Variants in SF3A3 observed in about 807,000 individuals in gnomAD.
The protein encoded by SF3A3 is SAP 61.
In SF3A3, 9 loss-of-function variants were observed where a neutral mutation model predicts 85.8. The ratio of observed to expected loss-of-function variants is 0.10; its 90% CI spans 0.06 to 0.18. The LOEUF is 0.18. SF3A3 is among the 10% of genes least tolerant of loss of function. The pLI is 1.00. For synonymous variants in SF3A3, 195 were observed against 204.4 expected (o/e 0.95, Z 0.39); for missense variants, 306 against 593.3 (o/e 0.52, Z 5.03).
chr1:37,984,075 G>T, intron 6 of SF3A3, 94 bp downstream of exon 6: 1 of 604,350 alleles, frequency 1.7e-6, no homozygotes, highest in Non-Finnish European at 3.0e-6. Flanking sequence ...ACACAAGGAA[G>T]ACACTTTACA....
chr1:37,975,523 A>T (rs1646373229), intron 12 of SF3A3, among the ~76,000 whole-genome samples: 1 of 151,596 alleles, frequency 6.6e-6, no homozygotes, highest in African/African-American at 2.4e-5. Flanking sequence ...TTCAAAAAAA[A>T]AAAAGAGGGA....
intron 15 of SF3A3, chr1:37,960,661 T>C (rs1646250370): frequency 6.5e-6 from 1 of 153,742 alleles, no homozygotes; most frequent in Admixed American, 6.4e-5. Context: ...ACTTGAATCT[T>C]TTTTTTTGAG....
chr1:37,974,419 C>T (rs1646365626), intron 12 of SF3A3, among the ~76,000 whole-genome samples: 1 of 151,422 alleles, frequency 6.6e-6, no homozygotes, highest in African/African-American at 2.4e-5. Context: ...TCTCCTGCCT[C>T]AGCCTCCCGA....
intron 16 of SF3A3, 71 bp from the exon 17 acceptor site, chr1:37,958,334 C>A (rs1646234362): frequency 1.9e-6 from 2 of 1,049,942 alleles, no homozygotes; most frequent in South Asian, 2.5e-5. Flanking sequence ...TCTCTAAGTA[C>A]CTGAGCTCAT....
chr1:37,979,729 T>A lies in SF3A3; in HGVS notation c.691-196A>T, dbSNP rs1646403523. Among the ~76,000 whole-genome samples, 3 of 152,136 alleles carry A rather than the reference T, an allele frequency of 2.0e-5. 1 individual carries two copies. The South Asian group carries it at 6.2e-4, about 32-fold the overall frequency. On this transcript the variant is annotated intron_variant, in intron 8 of 16. Coordinates refer to ENST00000373019, the MANE Select transcript of SF3A3 (RefSeq NM_006802.4). ...TGAATTAGCTGGGCATGATGGCATG[T>A]GCCTGTGGTCCCAGCTACTCAGGAG... is the stretch of plus-strand genomic sequence containing the variant.
At chr1:37,966,923 GA>G in intron 15 of SF3A3, among the ~76,000 whole-genome samples, 1 of 48,180 alleles carries the variant, frequency 2.1e-5, no homozygotes, top group East Asian at 9.0e-4. Flanking sequence ...CAATATGAGC[GA>G]AACTCCATCT....
rs1050103210 is a variant in SF3A3 at position 37,960,272 on chromosome 1, A to G, written c.1373-97T>C. The stretch of plus-strand genomic sequence containing the variant: ...TCTCCCTGCCATTAGGATGCTCCCT[A>G]GAAGACTCTGCCTTTGAGATTCTTG... On this transcript the variant is annotated intron_variant, in intron 15 of 16. Coordinates refer to ENST00000373019, the MANE Select transcript of SF3A3 (RefSeq NM_006802.4). The G allele has an allele frequency of 8.8e-6, 10 of 1,135,094 alleles. No homozygotes were observed. In the African/African-American group the frequency reaches 1.4e-4, roughly 15 times the overall value. The allele number at this position is 1,135,094 out of a possible 1,614,324, so 70.3% of individuals were successfully genotyped here. A position where few individuals can be genotyped will look rare whatever the true frequency, so the allele number is the denominator to read the frequency against.
chr1:37,986,729 A>G lies in SF3A3; in HGVS notation c.303+844T>C, dbSNP rs569803667. Among the ~76,000 whole-genome samples, 31 of 149,444 alleles carry G rather than the reference A, an allele frequency of 2.1e-4. 1 individual carries two copies. In the South Asian group the frequency reaches 6.0e-3, roughly 29 times the overall value. ...CAGGAGGCTGAGGAAGGAGAATGGC[A>G]TGAACTCGGGAGGTGGAGCTTGCAG... On this transcript the variant is annotated intron_variant, in intron 4 of 16. Transcript: ENST00000373019.
chr1:37,959,597 G>T (rs1044506682), intron 16 of SF3A3, among the ~76,000 whole-genome samples: 3 of 151,808 alleles, frequency 2.0e-5, no homozygotes, highest in African/African-American at 7.3e-5. Context: ...ATTATTTTTT[G>T]AGAAAGAGTC....
chr1:37,984,063 A>G, intron 6 of SF3A3, 106 bp downstream of exon 6: 1 of 562,950 alleles, frequency 1.8e-6, no homozygotes, highest in Non-Finnish European at 3.2e-6. Context: ...AAGAGTTTTA[A>G]AACACAAGGA....
At chr1:37,985,023 G>T (rs1225378871) in intron 4 of SF3A3, among the ~76,000 whole-genome samples, 2 of 152,172 alleles carry the variant, frequency 1.3e-5, no homozygotes, top group Non-Finnish European at 2.9e-5. Flanking sequence ...GCCCAGGCTG[G>T]TCTCAAACTC....
Position 37,963,630 on chromosome 1 carries a change from C to T in SF3A3, c.1373-3455G>A, listed in dbSNP as rs1570454087. Reference sequence around the variant, plus strand: ...GGAGTAAAGTGGCAGGATCTCGGCTCACTGCAAGCTCCGCCTCCTGGGTTC... The same window carrying T: ...GGAGTAAAGTGGCAGGATCTCGGCTTACTGCAAGCTCCGCCTCCTGGGTTC... On this transcript the variant is annotated intron_variant, in intron 15 of 16. Transcript: ENST00000373019. 2.7e-5 allele frequency among the ~76,000 whole-genome samples: 4 copies of T among 150,764 alleles called. No individual in the cohort carries two copies. In the East Asian group the frequency reaches 8.0e-4, roughly 30 times the overall value.
rs1324760983 is a variant in SF3A3 at position 37,978,969 on chromosome 1, T to C, written c.827+19A>G. The C allele has an allele frequency of 5.6e-6, 9 of 1,608,180 alleles. No individual in the cohort carries two copies. The highest frequency in any genetic ancestry group is 1.7e-5 in the Admixed American group (1 of 59,966). On this transcript the variant is annotated intron_variant, in intron 10 of 16. Transcript: ENST00000373019. ...ACACACAGTAAATCGATAGTTTTGA[T>C]AGAAAAACTATTCCTTACCCGCCAC... is the stretch of plus-strand genomic sequence containing the variant.
chr1:37,979,800 C>A (rs1487067040), intron 8 of SF3A3, among the ~76,000 whole-genome samples: 1 of 152,088 alleles, frequency 6.6e-6, no homozygotes, highest in Non-Finnish European at 1.5e-5. Context: ...GAGGCTGCAG[C>A]AGTGAGGTAT....
intron 15 of SF3A3, among the ~76,000 whole-genome samples, chr1:37,965,918 G>A (rs1048934032): frequency 1.3e-5 from 2 of 152,090 alleles, no homozygotes; most frequent in Admixed American, 6.6e-5. Flanking sequence ...ATAAAAAGCC[G>A]GGATGGGCGC....
At chr1:37,971,985 T>C (rs1035008483) in intron 12 of SF3A3, among the ~76,000 whole-genome samples, 41 of 152,126 alleles carry the variant, frequency 2.7e-4, no homozygotes, top group African/African-American at 9.7e-4. Context: ...CAATTCAACA[T>C]AGTGTTGGAA....
At chr1:37,966,585 CAG>C (rs749683364) in intron 15 of SF3A3, among the ~76,000 whole-genome samples, 7 of 152,172 alleles carry the variant, frequency 4.6e-5, no homozygotes, top group Non-Finnish European at 8.8e-5. Flanking sequence ...ATACTCAGCA[CAG>C]AGCTCTTCTC....
chr1:37,987,261 T>G (rs1275497082), intron 4 of SF3A3, among the ~76,000 whole-genome samples: 1 of 152,180 alleles, frequency 6.6e-6, no homozygotes, highest in East Asian at 1.9e-4. Context: ...GTATTTTTAG[T>G]AGAGGTTGAG....
intron 2 of SF3A3, among the ~76,000 whole-genome samples, chr1:37,988,748 T>A (rs886372533): frequency 6.6e-6 from 1 of 152,154 alleles, no homozygotes; most frequent in African/African-American, 2.4e-5. Context: ...TTAAATAGCA[T>A]CTTGTTTTTC....
Sources: allele counts gnomAD v4.1 joint callset (sites outside exome capture counted in the v4.1 genomes callset), GRCh38; gene constraint gnomAD v4.1.1; transcripts MANE v1.5; gene names NCBI Gene and HGNC (gene_info 2026-07-23, HGNC 2026-07-21).